The following MACROD2 variants were observed in gnomAD, a reference collection of about 807,000 sequenced individuals.
MACROD2 encodes mono-ADP ribosylhydrolase 2.
In MACROD2, 36 loss-of-function variants were observed where a neutral mutation model predicts 70.4. That is an observed-to-expected ratio of 0.51 (90% CI 0.39 to 0.68). The LOEUF is 0.68. Among genes scored for constraint, MACROD2 ranks in the 30% least tolerant of loss-of-function variants. The pLI is 0.00. For missense variants in MACROD2, 496 were observed against 538.4 expected (o/e 0.92, Z 0.78); for synonymous variants, 172 against 178.8 (o/e 0.96, Z 0.30).
chr20:15,724,483 T>C (rs1054582029), intron 8 of MACROD2, among the ~76,000 whole-genome samples: 1 of 49,178 alleles, frequency 2.0e-5, no homozygotes, highest in African/African-American at 3.6e-5. Flanking sequence ...TCATTTTTTT[T>C]GTTTTTTTGT....
chr20:14,461,141 G>C (rs2084365572), intron 3 of MACROD2, among the ~76,000 whole-genome samples: 1 of 151,932 alleles, frequency 6.6e-6, no homozygotes, highest in South Asian at 2.1e-4. Flanking sequence ...ACTTCTTCCT[G>C]GTTTAGTCTT....
At chr20:14,583,809 A>G (rs962981655) in intron 4 of MACROD2, among the ~76,000 whole-genome samples, 18 of 152,230 alleles carry the variant, frequency 1.2e-4, no homozygotes, top group African/African-American at 3.9e-4. Context: ...CCTAATTCTA[A>G]CATGATTTCT....
At chr20:14,522,700 G>A (rs2085182613) in intron 4 of MACROD2, among the ~76,000 whole-genome samples, 1 of 152,186 alleles carries the variant, frequency 6.6e-6, no homozygotes, top group African/African-American at 2.4e-5. Flanking sequence ...CAGGTTGCCA[G>A]TCATTAATTT....
intron 5 of MACROD2, among the ~76,000 whole-genome samples, chr20:14,858,669 C>T (rs1454407610): frequency 2.0e-5 from 3 of 151,998 alleles, no homozygotes; most frequent in African/African-American, 7.3e-5. Flanking sequence ...TCCACTTGCC[C>T]GTGTGAATGC....
chr20:14,523,319 T>A (rs577570334), intron 4 of MACROD2: 3 of 152,312 alleles, frequency 2.0e-5, no homozygotes, highest in Admixed American at 2.0e-4. Flanking sequence ...ATGAATAATG[T>A]GTGAGATTCC....
intron 4 of MACROD2, among the ~76,000 whole-genome samples, chr20:14,524,918 A>G (rs1288245540): frequency 1.3e-5 from 2 of 152,104 alleles, no homozygotes; most frequent in East Asian, 3.9e-4. Context: ...CGTTCACCAC[A>G]CTAGGAGAAA....
intron 8 of MACROD2, among the ~76,000 whole-genome samples, chr20:15,728,615 G>A (rs1001459851): frequency 6.6e-6 from 1 of 152,068 alleles, no homozygotes; most frequent in Non-Finnish European, 1.5e-5. Context: ...TTTCTTCTTG[G>A]TTCCATCTTG....
intron 3 of MACROD2, among the ~76,000 whole-genome samples, chr20:14,426,332 T>C (rs1435073415): frequency 1.3e-5 from 2 of 152,082 alleles, no homozygotes; most frequent in African/African-American, 4.8e-5. Flanking sequence ...CAAATATTCC[T>C]CTTTTTTTCC....
At chr20:14,693,802 G>A (rs903559935) in intron 5 of MACROD2, among the ~76,000 whole-genome samples, 5 of 152,106 alleles carry the variant, frequency 3.3e-5, no homozygotes, top group African/African-American at 7.2e-5. Context: ...TTCCTTATAC[G>A]TGATTGTCTA....
rs746362310 is a variant in MACROD2, at chr20:14,448,800, C to T, written c.272-44679C>T. Among the ~76,000 whole-genome samples the T allele has an allele frequency of 1.6e-4, 24 of 152,008 alleles. 1 individual carries two copies. Among genetic ancestry groups the T allele is most frequent in the African/African-American group, 4.6e-4 (19 of 41,348 alleles). On this transcript the variant is annotated intron_variant, in intron 3 of 17. Transcript: ENST00000684519. ...CAGTGCGTTGATTGTGCTTGTTATA[C>T]GGAATGTATTGCTCCTCAGCAAATA...
chr20:15,203,490 A>C (rs997314069), intron 5 of MACROD2, among the ~76,000 whole-genome samples: 1 of 152,144 alleles, frequency 6.6e-6, no homozygotes, highest in African/African-American at 2.4e-5. Context: ...TGATAAATTG[A>C]GCATGAGAAA....
chr20:15,601,599 A>G (rs555155078), intron 8 of MACROD2, among the ~76,000 whole-genome samples: 1 of 152,344 alleles, frequency 6.6e-6, no homozygotes, highest in South Asian at 2.1e-4. Context: ...GTGATCGGTG[A>G]TCACCTTACC....
chr20:14,056,155 T>G (rs2053628698), intron 2 of MACROD2, among the ~76,000 whole-genome samples: 1 of 152,148 alleles, frequency 6.6e-6, no homozygotes, highest in Admixed American at 6.5e-5. Flanking sequence ...AATTTGTGTT[T>G]TCCTTAAGAA....
chr20:15,856,477 A>G (rs185670452), intron 8 of MACROD2, among the ~76,000 whole-genome samples: 1 of 152,306 alleles, frequency 6.6e-6, no homozygotes, highest in Non-Finnish European at 1.5e-5. Flanking sequence ...TCTTCTGGCA[A>G]ACTTAAAGGA....
chr20:15,774,395 T>G (rs1299987337), intron 8 of MACROD2, among the ~76,000 whole-genome samples: 1 of 152,182 alleles, frequency 6.6e-6, no homozygotes, highest in African/African-American at 2.4e-5. Context: ...ATTTTCCTTT[T>G]TATACTGTGC....
Position 14,383,703 on chromosome 20 carries a change from G to C in MACROD2, c.272-109776G>C, listed in dbSNP as rs78386974. Among the ~76,000 whole-genome samples, 574 of 152,268 alleles carry C rather than the reference G, an allele frequency of 3.8e-3. 12 individuals are homozygous for C. The highest frequency in any genetic ancestry group is 0.024 in the East Asian group (125 of 5,176). On this transcript the variant is annotated intron_variant, in intron 3 of 17. Coordinates refer to ENST00000684519, the MANE Select transcript of MACROD2 (RefSeq NM_001351661.2). ...GTAATTAGAAAATTGATGTTGGTTA[G>C]AGAAATTGTGTTGACTTTGTCTTTT...
At chr20:14,141,783 G>A (rs1480931564) in intron 3 of MACROD2, among the ~76,000 whole-genome samples, 13 of 143,948 alleles carry the variant, frequency 9.0e-5, no homozygotes, top group East Asian at 2.0e-4. Flanking sequence ...AAGATTAAAG[G>A]GCATCATGTA....
chr20:15,704,645 C>A (rs2050506581), intron 8 of MACROD2, among the ~76,000 whole-genome samples: 2 of 152,132 alleles, frequency 1.3e-5, no homozygotes, highest in Admixed American at 1.3e-4. Flanking sequence ...CTAACAAGCT[C>A]CCAGGTGATG....
At chr20:14,748,445 G>A (rs1188698180) in intron 5 of MACROD2, among the ~76,000 whole-genome samples, 3 of 152,064 alleles carry the variant, frequency 2.0e-5, no homozygotes, top group Non-Finnish European at 4.4e-5. Context: ...CACTTAGTAG[G>A]TCTTTGTAAA....
Sources: gnomAD v4.1 joint callset for allele counts (sites outside exome capture counted in the v4.1 genomes callset) on GRCh38, gnomAD v4.1.1 for gene constraint, MANE v1.5 for transcripts, NCBI Gene and HGNC (gene_info 2026-07-23, HGNC 2026-07-21) for gene names.